Variants in RBFOX1 observed in about 807,000 individuals in gnomAD.
The protein encoded by RBFOX1 is RNA binding fox-1 homolog 1.
In RBFOX1, 8 loss-of-function variants were observed where a neutral mutation model predicts 57.7. That is an observed-to-expected ratio of 0.14 (90% CI 0.08 to 0.25). The LOEUF (loss-of-function observed/expected upper bound fraction) is 0.25. Ranked by LOEUF, RBFOX1 falls within the 10% of genes least tolerant of loss-of-function variation. RBFOX1 has a pLI of 1.00. For synonymous variants in RBFOX1, 326 were observed against 222.4 expected (o/e 1.47, Z -4.15); for missense variants, 611 against 548.5 (o/e 1.11, Z -1.14).
intron 2 of RBFOX1, among the ~76,000 whole-genome samples, chr16:6,506,185 G>T (rs1250132885): frequency 6.6e-6 from 1 of 152,156 alleles, no homozygotes; most frequent in Non-Finnish European, 1.5e-5. Flanking sequence ...GACAACAGGA[G>T]TGGGCAGGTC....
chr16:6,733,560 A>C (rs1265080492), intron 3 of RBFOX1, among the ~76,000 whole-genome samples: 2 of 152,200 alleles, frequency 1.3e-5, no homozygotes, highest in Admixed American at 1.3e-4. Context: ...GCAAATATAA[A>C]TAATGGTTGT....
chr16:7,046,254 G>T (rs1451773072), intron 3 of RBFOX1, among the ~76,000 whole-genome samples: 1 of 151,810 alleles, frequency 6.6e-6, no homozygotes. Flanking sequence ...GTGTGTGTGT[G>T]TGTGTGTGTG....
At chr16:7,417,102 G>A (rs893507534) in intron 4 of RBFOX1, among the ~76,000 whole-genome samples, 6 of 152,018 alleles carry the variant, frequency 3.9e-5, no homozygotes, top group East Asian at 1.9e-4. Context: ...GGGCATGGTG[G>A]CTCACACCTG....
chr16:5,730,096 C>G (rs913349979), intron 3 of RBFOX1, among the ~76,000 whole-genome samples: 1 of 152,206 alleles, frequency 6.6e-6, no homozygotes, highest in Non-Finnish European at 1.5e-5. Context: ...AAACTCAGAA[C>G]TTACCTGTCA....
chr16:5,533,552 C>T (rs947859027), intron 2 of RBFOX1, among the ~76,000 whole-genome samples: 4 of 152,168 alleles, frequency 2.6e-5, no homozygotes, highest in African/African-American at 9.7e-5. Flanking sequence ...GACTCCGTGA[C>T]AACTTCAAAC....
intron 2 of RBFOX1, among the ~76,000 whole-genome samples, chr16:6,627,615 C>T (rs537919782): frequency 6.6e-6 from 1 of 152,140 alleles, no homozygotes; most frequent in South Asian, 2.1e-4. Flanking sequence ...ACTATTAACG[C>T]CTATACTTAA....
chr16:6,611,517 G>T (rs914066229), intron 2 of RBFOX1, among the ~76,000 whole-genome samples: 1 of 152,046 alleles, frequency 6.6e-6, no homozygotes, highest in African/African-American at 2.4e-5. Context: ...CTTTGCCCCC[G>T]TGTGATTCTG....
intron 3 of RBFOX1, among the ~76,000 whole-genome samples, chr16:6,790,007 C>CT (rs957956429): frequency 6.6e-6 from 1 of 150,964 alleles, no homozygotes; most frequent in African/African-American, 2.4e-5. Context: ...CTTTCTTAAG[C>CT]TTTTTTGTTT....
At chr16:7,063,635 A>C (rs912274200) in intron 4 of RBFOX1, among the ~76,000 whole-genome samples, 4 of 152,156 alleles carry the variant, frequency 2.6e-5, no homozygotes, top group Admixed American at 1.3e-4. Flanking sequence ...TAGGAATGCT[A>C]TTGGCCCTTC....
At chr16:5,821,748 G>A (rs993852808) in intron 3 of RBFOX1, among the ~76,000 whole-genome samples, 1 of 152,140 alleles carries the variant, frequency 6.6e-6, no homozygotes, top group African/African-American at 2.4e-5. Flanking sequence ...GAAGTCCAAG[G>A]TCAAGGCACC....
At chr16:7,133,560 T>G (rs1339627773) in intron 4 of RBFOX1, among the ~76,000 whole-genome samples, 1 of 152,212 alleles carries the variant, frequency 6.6e-6, no homozygotes, top group Non-Finnish European at 1.5e-5. Context: ...GCTCTTGTCT[T>G]AATTTAAAGC....
chr16:7,420,924 T>C (rs1334397092), intron 4 of RBFOX1, among the ~76,000 whole-genome samples: 35 of 146,270 alleles, frequency 2.4e-4, no homozygotes, highest in African/African-American at 8.1e-4. Flanking sequence ...TATATATATA[T>C]ACACATATAT....
intron 3 of RBFOX1, among the ~76,000 whole-genome samples, chr16:6,709,194 T>G (rs1313781764): frequency 1.3e-5 from 2 of 152,130 alleles, no homozygotes; most frequent in Non-Finnish European, 2.9e-5. Context: ...TTAAGGCCTG[T>G]TTTTAAAAGG....
intron 3 of RBFOX1, among the ~76,000 whole-genome samples, chr16:5,646,645 A>AT: frequency 1.3e-5 from 2 of 151,320 alleles, no homozygotes; most frequent in East Asian, 3.9e-4. Context: ...CTTATTTTTT[A>AT]TTTTTTTGAG....
At chr16:6,362,939 G>A (rs533799003) in intron 2 of RBFOX1, among the ~76,000 whole-genome samples, 110 of 152,278 alleles carry the variant, frequency 7.2e-4, no homozygotes, top group African/African-American at 2.6e-3. Context: ...TGATACATGA[G>A]CAAGGCTAAA....
At chr16:7,492,226 A>G (rs761321144) in intron 4 of RBFOX1, among the ~76,000 whole-genome samples, 2 of 152,250 alleles carry the variant, frequency 1.3e-5, no homozygotes, top group Non-Finnish European at 2.9e-5. Context: ...TCGTTTACCA[A>G]TAAGAATGTT....
At chr16:6,860,743 G>A (rs76783038) in intron 3 of RBFOX1, among the ~76,000 whole-genome samples, 1 of 152,068 alleles carries the variant, frequency 6.6e-6, no homozygotes, top group Non-Finnish European at 1.5e-5. Flanking sequence ...TGCCAGTGTG[G>A]ATAAATCTGA....
At chr16:7,556,338 C>T (rs1188625519) in intron 5 of RBFOX1, among the ~76,000 whole-genome samples, 2 of 152,182 alleles carry the variant, frequency 1.3e-5, no homozygotes, top group Non-Finnish European at 2.9e-5. Context: ...CCCTCCATTT[C>T]ATTAAACCAC....
chr16:6,976,804 G>T (rs1369990774), intron 3 of RBFOX1, among the ~76,000 whole-genome samples: 1 of 144,242 alleles, frequency 6.9e-6, no homozygotes, highest in Admixed American at 7.1e-5. Context: ...TGATATATGA[G>T]ATATAAATGA....
Sources: gnomAD v4.1 joint callset for allele counts (sites outside exome capture counted in the v4.1 genomes callset) on GRCh38, gnomAD v4.1.1 for gene constraint, MANE v1.5 for transcripts, NCBI Gene and HGNC (gene_info 2026-07-23, HGNC 2026-07-21) for gene names.